Variants in SAMTOR observed in about 807,000 individuals in gnomAD.
SAMTOR encodes UPF0532 protein C7orf60.
chr7:112,901,669 C>T, the SAMTOR span, among the ~76,000 whole-genome samples: 4 of 152,092 alleles, frequency 2.6e-5, no homozygotes, highest in Non-Finnish European at 5.9e-5. Context: ...CTGACATATA[C>T]AATGAAGAAC....
At chr7:112,871,460 T>A in the SAMTOR span, among the ~76,000 whole-genome samples, 2 of 152,094 alleles carry the variant, frequency 1.3e-5, no homozygotes, top group Non-Finnish European at 2.9e-5. Context: ...AATCAAAAAC[T>A]ATTTGAAACA....
chr7:112,868,609 C>G, the SAMTOR span, among the ~76,000 whole-genome samples: 1 of 152,222 alleles, frequency 6.6e-6, no homozygotes, highest in Admixed American at 6.5e-5. Context: ...AGACCTAGGA[C>G]TGAGAGGAGG....
At chr7:112,855,011 C>T in the SAMTOR span, among the ~76,000 whole-genome samples, 2 of 152,112 alleles carry the variant, frequency 1.3e-5, no homozygotes. Flanking sequence ...ATAACAATGA[C>T]AGCGGCCACT....
the SAMTOR span, among the ~76,000 whole-genome samples, chr7:112,883,624 A>G: frequency 1.3e-5 from 2 of 152,314 alleles, no homozygotes; most frequent in East Asian, 1.9e-4. Context: ...TGCTTCTTAG[A>G]GCACTGTGCA....
At chr7:112,849,029 A>G in the SAMTOR span, among the ~76,000 whole-genome samples, 1 of 150,364 alleles carries the variant, frequency 6.7e-6, no homozygotes, top group African/African-American at 2.5e-5. Context: ...AGCCTGGGTG[A>G]CAGAGCAAGA....
chr7:112,861,984 C>T, the SAMTOR span, among the ~76,000 whole-genome samples: 3 of 152,160 alleles, frequency 2.0e-5, no homozygotes, highest in African/African-American at 4.8e-5. Context: ...CCAGGTACAG[C>T]GGCTCAGGCC....
the SAMTOR span, among the ~76,000 whole-genome samples, chr7:112,920,323 A>G: frequency 1.3e-5 from 2 of 152,240 alleles, no homozygotes; most frequent in South Asian, 4.2e-4. Context: ...GTAATCCAGC[A>G]TATAAACAGA....
At chr7:112,922,495 C>T in the SAMTOR span, among the ~76,000 whole-genome samples, 3 of 151,656 alleles carry the variant, frequency 2.0e-5, no homozygotes, top group Non-Finnish European at 4.4e-5. Context: ...GGCCGCCATC[C>T]CATCTAGGAA....
the SAMTOR span, among the ~76,000 whole-genome samples, chr7:112,864,034 T>C: frequency 6.6e-6 from 1 of 152,122 alleles, no homozygotes. Flanking sequence ...ATAAAGAAAA[T>C]GTGGTACATA....
chr7:112,832,680 A>C, the SAMTOR span: 19 of 1,501,684 alleles, frequency 1.3e-5, no homozygotes, highest in South Asian at 1.1e-4. Flanking sequence ...AGCAACCTAA[A>C]AACAGATATT....
the SAMTOR span, among the ~76,000 whole-genome samples, chr7:112,914,307 C>A: frequency 1.9e-4 from 21 of 110,384 alleles, no homozygotes; most frequent in Admixed American, 7.9e-4. Flanking sequence ...TCCAGGGTTA[C>A]TTTTGCAGGT....
chr7:112,921,128 C>T, the SAMTOR span, among the ~76,000 whole-genome samples: 485 of 152,146 alleles, frequency 3.2e-3, 2 homozygotes, highest in Admixed American at 4.4e-3. Flanking sequence ...AAAAAGAGCC[C>T]GCATCACCAA....
chr7:112,869,642 C>G, the SAMTOR span, among the ~76,000 whole-genome samples: 1 of 151,980 alleles, frequency 6.6e-6, no homozygotes, highest in African/African-American at 2.4e-5. Flanking sequence ...GGAACAAGCA[C>G]AAGAACTTCG....
chr7:112,842,009 T>C, the SAMTOR span, among the ~76,000 whole-genome samples: 1 of 152,074 alleles, frequency 6.6e-6, no homozygotes, highest in Non-Finnish European at 1.5e-5. Flanking sequence ...AATTCTAATA[T>C]ACAAAGCCTT....
At chr7:112,915,482 C>A in the SAMTOR span, 21 of 1,517,854 alleles carry the variant, frequency 1.4e-5, no homozygotes, top group African/African-American at 2.8e-5. Context: ...TAAGTTTACA[C>A]TGAAACATGT....
At chr7:112,835,999 C>T in the SAMTOR span, among the ~76,000 whole-genome samples, 1 of 151,970 alleles carries the variant, frequency 6.6e-6, no homozygotes, top group Admixed American at 6.6e-5. Context: ...GGGTGTATAC[C>T]CAATAATGGG....
chr7:112,877,244 A>T, the SAMTOR span, among the ~76,000 whole-genome samples: 1 of 152,190 alleles, frequency 6.6e-6, no homozygotes, highest in Admixed American at 6.5e-5. Flanking sequence ...TGTGGACTTT[A>T]CTTCCAGAGT....
chr7:112,925,686 C>T, the SAMTOR span, among the ~76,000 whole-genome samples: 9 of 151,246 alleles, frequency 6.0e-5, no homozygotes, highest in South Asian at 2.1e-4. Flanking sequence ...CCCAACTATT[C>T]GGGAGGCTGA....
the SAMTOR span, among the ~76,000 whole-genome samples, chr7:112,823,340 A>T: frequency 6.6e-6 from 1 of 152,204 alleles, no homozygotes; most frequent in Non-Finnish European, 1.5e-5. Flanking sequence ...GGCATGGTCG[A>T]ATTAATGAAC....
Sources: allele counts gnomAD v4.1 joint callset (sites outside exome capture counted in the v4.1 genomes callset), GRCh38; gene constraint gnomAD v4.1.1; transcripts MANE v1.5; gene names NCBI Gene and HGNC (gene_info 2026-07-23, HGNC 2026-07-21).